The following LYG2 variants were observed in gnomAD, a reference collection of about 807,000 sequenced individuals.
LYG2 encodes the protein lysozyme g2.
A neutral mutation model predicts 22.4 loss-of-function variants in LYG2; 25 were observed. The ratio of observed to expected loss-of-function variants is 1.12; its 90% CI spans 0.81 to 1.56. The LOEUF (loss-of-function observed/expected upper bound fraction) is 1.56, where lower values mean the gene tolerates loss of function less well. LYG2 is among the 40% of genes most tolerant of loss of function. The probability of loss-of-function intolerance (pLI) is 0.00; values close to 1 mark genes in which losing one functional copy is unlikely to be tolerated. For synonymous variants in LYG2, 88 were observed against 97.0 expected (o/e 0.91, Z 0.55); for missense variants, 266 against 269.5 (o/e 0.99, Z 0.09).
Position 99,246,834 on chromosome 2 carries a change from G to A in LYG2, c.44-14C>T. The A allele has an allele frequency of 1.9e-6, 3 of 1,605,426 alleles. No homozygotes were observed. The highest frequency in any genetic ancestry group is 2.5e-6 in the Non-Finnish European group (3 of 1,177,592). ...CCCTGGAAGTGCCTAGGAGGCAGAAGTGTAACTCACATGAATCCTCTGAGA... is the reference window on the plus strand; with the variant it reads ...CCCTGGAAGTGCCTAGGAGGCAGAAATGTAACTCACATGAATCCTCTGAGA... On this transcript the variant is annotated splice_polypyrimidine_tract_variant and intron_variant, in intron 3 of 6. Coordinates refer to ENST00000333017, the MANE Select transcript of LYG2 (RefSeq NM_175735.4).
chr2:99,242,822 T>C (rs1484857196), intron 6 of LYG2, among the ~76,000 whole-genome samples: 1 of 152,218 alleles, frequency 6.6e-6, no homozygotes, highest in Non-Finnish European at 1.5e-5. Context: ...AATTCACTCA[T>C]CTATTCACTC....
At chr2:99,245,794 A>G (rs2094015121) in intron 4 of LYG2, among the ~76,000 whole-genome samples, 1 of 152,106 alleles carries the variant, frequency 6.6e-6, no homozygotes, top group Admixed American at 6.6e-5. Context: ...AAACAGATCC[A>G]CAACCCCCAA....
chr2:99,246,762 G>A lies in LYG2; in HGVS notation c.102C>T (p.Arg34=), dbSNP rs757709746. The A allele has an allele frequency of 6.2e-7, 1 of 1,614,122 alleles. No homozygotes were observed. The highest frequency in any genetic ancestry group is 1.1e-5 in the South Asian group (1 of 91,072). ...SHSMKPHLHP[R]LYHGCYGDIM... is the part of the protein sequence containing the mutation. ...TGTCCCCATAGCAGCCGTGGTACAG[G>A]CGTGGATGTAGGTGAGGCTTCATTG... The change falls in exon 4 of 7, where the codon CGC becomes CGT. Residue 34 remains arginine (R), a synonymous_variant. Coordinates refer to ENST00000333017, the MANE Select transcript of LYG2 (RefSeq NM_175735.4).
intron 6 of LYG2, chr2:99,243,740 GT>G (rs1395777209): frequency 3.7e-6 from 1 of 271,520 alleles, no homozygotes; most frequent in Non-Finnish European, 6.5e-6. Context: ...GTCTCACTAT[GT>G]TTCAAGGTAT....
intron 3 of LYG2, among the ~76,000 whole-genome samples, chr2:99,253,606 T>C (rs1379064537): frequency 6.6e-6 from 1 of 152,120 alleles, no homozygotes; most frequent in Non-Finnish European, 1.5e-5. Context: ...CTTTCCAGCC[T>C]TCCCCCCAGA....
At chr2:99,260,620 G>A (rs1462568031), upstream of LYG2, among the ~76,000 whole-genome samples, 1 of 152,218 alleles carries the variant, frequency 6.6e-6, no homozygotes, top group East Asian at 1.9e-4. Flanking sequence ...GTCAAAGACA[G>A]TCCTTTTGTC....
chr2:99,254,516 G>A (rs999922089), intron 2 of LYG2, among the ~76,000 whole-genome samples: 5 of 151,892 alleles, frequency 3.3e-5, no homozygotes, highest in African/African-American at 4.8e-5. Context: ...CATGAGTCAT[G>A]CGTATCTTAC....
In LYG2 at chr2:99,242,489, T is replaced by C; in HGVS notation, c.521-7A>G. The stretch of plus-strand genomic sequence containing the variant: ...TTAAAAGCTGAGAGACCACCTGAAA[T>C]GAAACACAGAGAATTAGGCTCAAAT... On this transcript the variant is annotated splice_polypyrimidine_tract_variant and splice_region_variant and intron_variant, in intron 6 of 6. Coordinates refer to ENST00000333017, the MANE Select transcript of LYG2 (RefSeq NM_175735.4). 6.4e-7 allele frequency: 1 copy of C among 1,561,780 alleles called. No individual in the cohort carries two copies. Among genetic ancestry groups the C allele is most frequent in the African/African-American group, 1.4e-5 (1 of 73,874 alleles).
intron 3 of LYG2, among the ~76,000 whole-genome samples, chr2:99,253,968 G>A (rs1030215415): frequency 2.0e-4 from 30 of 152,234 alleles, no homozygotes; most frequent in African/African-American, 6.3e-4. Context: ...TAGGTGCATT[G>A]TCAGACAGGA....
the LYG2 span, among the ~76,000 whole-genome samples, chr2:99,261,186 A>G: frequency 6.6e-6 from 1 of 152,122 alleles, no homozygotes; most frequent in African/African-American, 2.4e-5. Context: ...TGCAAGGAGG[A>G]TACAGGGACA....
Position 99,242,246 on chromosome 2 carries a change from T to G in LYG2, c.*118A>C. On this transcript the variant is annotated 3_prime_UTR_variant, in exon 7 of 7. Transcript: ENST00000333017. Reference sequence around the variant, plus strand: ...TTCATTCAGAAAATTGGGAAATGAATTTTCTTTCATGATTTTAATCATTTC... The same window carrying G: ...TTCATTCAGAAAATTGGGAAATGAAGTTTCTTTCATGATTTTAATCATTTC... The G allele has an allele frequency of 1.9e-6, 1 of 530,400 alleles. No homozygotes were observed. Among genetic ancestry groups the G allele is most frequent in the Non-Finnish European group, 3.3e-6 (1 of 300,318 alleles). 32.9% of individuals were successfully genotyped at this position (530,400 alleles called of 1,614,324 possible).
chr2:99,248,707 C>T (rs918389008), intron 3 of LYG2, among the ~76,000 whole-genome samples: 5 of 149,896 alleles, frequency 3.3e-5, no homozygotes, highest in African/African-American at 1.2e-4. Context: ...ACATTGTGCA[C>T]ATGTACCCTA....
intron 6 of LYG2, chr2:99,243,374 C>T (rs1437587494): frequency 6.6e-6 from 10 of 1,516,972 alleles, no homozygotes; most frequent in Non-Finnish European, 8.9e-6. Context: ...GAGATTTCCA[C>T]TTGGATATAT....
chr2:99,255,066 G>C lies in LYG2; in HGVS notation c.-72C>G, dbSNP rs936798363. The C allele has an allele frequency of 2.0e-5, 3 of 152,214 alleles. No individual in the cohort carries two copies. Among genetic ancestry groups the C allele is most frequent in the Admixed American group, 6.5e-5 (1 of 15,280 alleles). The allele number at this position is 152,214 out of a possible 1,614,324, so 9.4% of individuals were successfully genotyped here. A position where few individuals can be genotyped will look rare whatever the true frequency, so the allele number is the denominator to read the frequency against. On this transcript the variant is annotated 5_prime_UTR_variant, in exon 2 of 7. Transcript: ENST00000333017. ...AAAATCTCCCCTCTCTGTTTGCAAA[G>C]GTCTTCTGTACTCAGCAGCAAACTG...
chr2:99,242,419 T>C lies in LYG2; in HGVS notation c.584A>G (p.Asp195Gly). Residue 195 changes from aspartate (D) to glycine (G), a missense_variant, in exon 7 of 7, where the codon GAC (aspartate) becomes GGC (glycine). Transcript: ENST00000333017. ...AIATPSDIDN[D>G]FVNDIIARAK... ...TCGAGCAATGATATCATTGACGAAG[T>C]CATTGTCTATGTCCGATGGGGTGGC... 6.2e-7 allele frequency: 1 copy of C among 1,613,960 alleles called. No homozygotes were observed. Among genetic ancestry groups the C allele is most frequent in the Non-Finnish European group, 8.5e-7 (1 of 1,179,882 alleles).
At position 99,242,446 on chromosome 2, in the gene LYG2, A is replaced by T. The variant is rs745778872; in HGVS notation, c.557T>A (p.Ile186Asn). 9.3e-6 allele frequency: 15 copies of T among 1,612,986 alleles called. No individual in the cohort carries two copies. Among genetic ancestry groups the T allele is most frequent in the Middle Eastern group, 1.6e-4 (1 of 6,076 alleles). Residue 186 changes from isoleucine (I) to asparagine (N), a missense_variant, in exon 7 of 7, where the codon ATT becomes AAT. Coordinates refer to ENST00000333017, the MANE Select transcript of LYG2 (RefSeq NM_175735.4). ...LSAFKSGIEA[I>N]ATPSDIDNDF... ...ATTGTCTATGTCCGATGGGGTGGCAATCGCTTCAATTCCTGACTTAAAAGC... is the reference window on the plus strand; with the variant it reads ...ATTGTCTATGTCCGATGGGGTGGCATTCGCTTCAATTCCTGACTTAAAAGC...
chr2:99,261,396 A>G, the LYG2 span, among the ~76,000 whole-genome samples: 2 of 152,170 alleles, frequency 1.3e-5, no homozygotes, highest in African/African-American at 4.8e-5. Flanking sequence ...TACAACAAAC[A>G]GTAGCATACA....
At chr2:99,253,002 G>A (rs377167042) in intron 3 of LYG2, among the ~76,000 whole-genome samples, 3 of 133,220 alleles carry the variant, frequency 2.3e-5, no homozygotes, top group East Asian at 2.4e-4. Flanking sequence ...AGCTGAGATC[G>A]CACCACTGCA....
intron 4 of LYG2, among the ~76,000 whole-genome samples, chr2:99,246,008 T>C (rs1163929580): frequency 2.0e-5 from 3 of 152,116 alleles, no homozygotes; most frequent in Non-Finnish European, 2.9e-5. Context: ...CTCAGGAGAC[T>C]GAGGCAGGAG....
Sources: allele counts gnomAD v4.1 joint callset (sites outside exome capture counted in the v4.1 genomes callset), GRCh38; gene constraint gnomAD v4.1.1; transcripts MANE v1.5; gene names NCBI Gene and HGNC (gene_info 2026-07-23, HGNC 2026-07-21).